CASR: variants seen among roughly 807,000 people sequenced by gnomAD.
CASR encodes the protein calcium sensing receptor, also known as extracellular calcium-sensing receptor.
Under a neutral mutation model 69.1 loss-of-function variants are expected in CASR, and 23 were observed. That is an observed-to-expected ratio of 0.33 (90% confidence interval 0.24 to 0.47). CASR has a LOEUF of 0.47. Ranked by LOEUF, CASR falls within the 20% of genes least tolerant of loss-of-function variation. The pLI is 1.00. For missense variants in CASR, 924 were observed against 1,356.1 expected, an observed-to-expected ratio of 0.68 and a Z score of 5.00; for synonymous variants, 541 against 544.7, an observed-to-expected ratio of 0.99 and a Z score of 0.10.
At chr3:122,275,227 TA>T (rs2074803099) in intron 4 of CASR, among the ~76,000 whole-genome samples, 1 of 152,236 alleles carries the variant, frequency 6.6e-6, no homozygotes, top group South Asian at 2.1e-4. Context: ...TTGTGACATA[TA>T]AAACCTTATA....
intron 1 of CASR, among the ~76,000 whole-genome samples, chr3:122,242,305 A>G (rs556460626): frequency 2.0e-5 from 3 of 152,282 alleles, no homozygotes; most frequent in Non-Finnish European, 2.9e-5. Flanking sequence ...CAAAAAAACT[A>G]TTAGAATCAA....
intron 4 of CASR, among the ~76,000 whole-genome samples, chr3:122,265,198 TA>T (rs1479008373): frequency 6.6e-6 from 1 of 152,244 alleles, no homozygotes; most frequent in African/African-American, 2.4e-5. Context: ...GATGTTTATA[TA>T]CCCAGCTTAA....
At chr3:122,183,868 A>C (rs2073745318) in intron 1 of CASR, 56 bp downstream of exon 1, 1 of 149,036 alleles carries the variant, frequency 6.7e-6, no homozygotes, top group Non-Finnish European at 1.5e-5. Context: ...CTGGCCTTAT[A>C]TCAGAAAAAA....
intron 1 of CASR, among the ~76,000 whole-genome samples, chr3:122,230,342 T>C (rs1174950263): frequency 6.6e-6 from 1 of 152,076 alleles, no homozygotes; most frequent in Non-Finnish European, 1.5e-5. Flanking sequence ...AAACAACCTC[T>C]CCTCCTTGCT....
At chr3:122,266,701 G>C (rs2074698643) in intron 4 of CASR, among the ~76,000 whole-genome samples, 1 of 152,018 alleles carries the variant, frequency 6.6e-6, no homozygotes, top group African/African-American at 2.4e-5. Context: ...GGAACTGTCA[G>C]TTCCTTTTTA....
intron 4 of CASR, among the ~76,000 whole-genome samples, chr3:122,267,333 T>C (rs2074705934): frequency 6.6e-6 from 1 of 152,262 alleles, no homozygotes; most frequent in Non-Finnish European, 1.5e-5. Context: ...GTACAAATTT[T>C]GAGTAGAAAA....
At chr3:122,266,611 T>TC (rs2074697735) in intron 4 of CASR, among the ~76,000 whole-genome samples, 1 of 151,976 alleles carries the variant, frequency 6.6e-6, no homozygotes, top group Non-Finnish European at 1.5e-5. Flanking sequence ...CTCATATTAC[T>TC]CCCCAAATAA....
chr3:122,227,429 C>G (rs2074234741), intron 1 of CASR, among the ~76,000 whole-genome samples: 1 of 152,230 alleles, frequency 6.6e-6, no homozygotes, highest in Non-Finnish European at 1.5e-5. Context: ...AGGTGCTAAG[C>G]CCCTCACTGC....
In CASR at chr3:122,282,143, C is replaced by A; in HGVS notation, c.1639C>A (p.Leu547Met). Reference sequence around the variant, plus strand: ...CTTCTCCAACTGCAGCCGAGACTGCCTGGCAGGGACCAGGAAAGGGATCAT... The same window carrying A: ...CTTCTCCAACTGCAGCCGAGACTGCATGGCAGGGACCAGGAAAGGGATCAT... Reference protein sequence around the residue: ...VPFSNCSRDCLAGTRKGIIEG... With the variant: ...VPFSNCSRDCMAGTRKGIIEG... The change falls in exon 6 of 7, where the codon CTG (leucine) becomes ATG (methionine). Residue 547 changes from leucine (L) to methionine (M), a missense_variant. Physicochemically the swap from Leu to Met is conservative, Grantham distance 15. Around this residue, in one of 8 missense-constraint regions of CASR, gnomAD observed 310 missense variants for 395.7 expected, o/e 0.78. Coordinates refer to ENST00000639785, the MANE Select transcript of CASR (RefSeq NM_000388.4). 6.2e-7 allele frequency: 1 copy of A among 1,614,206 alleles called. No individual in the cohort carries two copies. Among genetic ancestry groups the A allele is most frequent in the South Asian group, 1.1e-5 (1 of 91,084 alleles).
chr3:122,244,762 A>G (rs989327418), intron 1 of CASR, among the ~76,000 whole-genome samples: 3 of 151,848 alleles, frequency 2.0e-5, no homozygotes, highest in Non-Finnish European at 2.9e-5. Context: ...TTTTATTTTA[A>G]GAGTGAGAGA....
chr3:122,245,763 G>C (rs2074421873), intron 1 of CASR, among the ~76,000 whole-genome samples: 1 of 152,150 alleles, frequency 6.6e-6, no homozygotes, highest in African/African-American at 2.4e-5. Flanking sequence ...AGTCGGCCAG[G>C]TCTGGACCAA....
At chr3:122,193,534 T>C (rs2073859184) in intron 1 of CASR, among the ~76,000 whole-genome samples, 1 of 152,156 alleles carries the variant, frequency 6.6e-6, no homozygotes, top group Non-Finnish European at 1.5e-5. Flanking sequence ...CTCATTTCTA[T>C]GGGGTGCTTT....
chr3:122,249,890 A>G (rs1478871123), intron 1 of CASR, among the ~76,000 whole-genome samples: 1 of 152,220 alleles, frequency 6.6e-6, no homozygotes, highest in African/African-American at 2.4e-5. Flanking sequence ...CTGTCAGGCA[A>G]AAGTCCAGGA....
At chr3:122,221,310 A>G (rs1488754703) in intron 1 of CASR, among the ~76,000 whole-genome samples, 1 of 152,080 alleles carries the variant, frequency 6.6e-6, no homozygotes, top group Non-Finnish European at 1.5e-5. Flanking sequence ...AGAACCATCA[A>G]TGCTCACAGT....
At chr3:122,189,559 A>G (rs778356785) in intron 1 of CASR, among the ~76,000 whole-genome samples, 1 of 152,202 alleles carries the variant, frequency 6.6e-6, no homozygotes, top group Non-Finnish European at 1.5e-5. Flanking sequence ...CTTATCAGTG[A>G]TGATGGGGGC....
intron 1 of CASR, among the ~76,000 whole-genome samples, chr3:122,207,041 T>A (rs1196818110): frequency 6.6e-6 from 1 of 152,062 alleles, no homozygotes; most frequent in Non-Finnish European, 1.5e-5. Context: ...GTCGACCCAT[T>A]TTTTTAAGTC....
chr3:122,235,371 C>T (rs898941438), intron 1 of CASR, among the ~76,000 whole-genome samples: 6 of 152,152 alleles, frequency 3.9e-5, no homozygotes, highest in Non-Finnish European at 8.8e-5. Context: ...ACAGACCATG[C>T]ATATTGATTA....
chr3:122,268,703 A>G (rs2074721745), intron 4 of CASR, among the ~76,000 whole-genome samples: 1 of 152,246 alleles, frequency 6.6e-6, no homozygotes, highest in Non-Finnish European at 1.5e-5. Context: ...GTGGTCCCTC[A>G]ATAAATACTT....
intron 6 of CASR, among the ~76,000 whole-genome samples, chr3:122,282,463 T>C (rs1164451520): frequency 6.6e-6 from 1 of 152,268 alleles, no homozygotes; most frequent in Non-Finnish European, 1.5e-5. Context: ...TACACATCTT[T>C]CTCTTACTTC....
Sources: allele counts gnomAD v4.1 joint callset (sites outside exome capture counted in the v4.1 genomes callset), GRCh38; gene constraint gnomAD v4.1.1; regional missense constraint gnomAD v4.1.1; transcripts MANE v1.5; gene names NCBI Gene and HGNC (gene_info 2026-07-23, HGNC 2026-07-21).